PALS2: variants seen among roughly 807,000 people sequenced by gnomAD.
PALS2 encodes protein associated with LIN7 2, MAGUK p55 family member, also known as protein PALS2.
PALS2 carries 27 observed loss-of-function variants against 61.6 expected under a neutral mutation model. That is an observed-to-expected ratio of 0.44 (90% CI 0.32 to 0.60). The LOEUF is 0.60. PALS2 is among the 20% of genes least tolerant of loss of function. The probability of loss-of-function intolerance (pLI) is 0.05; values close to 1 mark genes in which losing one functional copy is unlikely to be tolerated. For missense variants in PALS2, 554 were observed against 639.4 expected, an observed-to-expected ratio of 0.87 and a Z score of 1.44; for synonymous variants, 236 against 218.6, an observed-to-expected ratio of 1.08 and a Z score of -0.70.
intron 1 of PALS2, among the ~76,000 whole-genome samples, chr7:24,581,740 G>C (rs528487778): frequency 6.6e-6 from 1 of 152,172 alleles, no homozygotes; most frequent in Non-Finnish European, 1.5e-5. Context: ...TGATGAAGCC[G>C]AGAAACGTTA....
At chr7:24,653,331 C>A (rs1786254797) in intron 5 of PALS2, among the ~76,000 whole-genome samples, 1 of 149,898 alleles carries the variant, frequency 6.7e-6, no homozygotes, top group Non-Finnish European at 1.5e-5. Context: ...TGATAAAATT[C>A]AATGATTTTT....
chr7:24,651,719 T>G (rs1786161339), intron 5 of PALS2, among the ~76,000 whole-genome samples: 1 of 152,238 alleles, frequency 6.6e-6, no homozygotes, highest in Admixed American at 6.5e-5. Flanking sequence ...TGCTTAGGTT[T>G]ATTCCAGAAA....
rs76102023 is a variant in PALS2, at chr7:24,605,012, A to T, written c.-2-18654A>T. Among the ~76,000 whole-genome samples the T allele has an allele frequency of 2.0e-5, 3 of 152,206 alleles. No homozygotes were observed. The South Asian group carries it at 6.2e-4, about 31-fold the overall frequency. Reference sequence around the variant, plus strand: ...GCCAGAATAAATGTGCCTCATTTTTATAACGGCCTTTGGGCAATTTTCAGC... The same window carrying T: ...GCCAGAATAAATGTGCCTCATTTTTTTAACGGCCTTTGGGCAATTTTCAGC... On this transcript the variant is annotated intron_variant, in intron 1 of 11. Coordinates refer to ENST00000222644, the MANE Select transcript of PALS2 (RefSeq NM_001303037.2).
At position 24,692,008 on chromosome 7, in the gene PALS2, C is replaced by G. The variant is rs1478487265; in HGVS notation, c.*4394C>G. The G allele has an allele frequency of 2.0e-5, 3 of 151,988 alleles. No individual in the cohort carries two copies. The highest frequency in any genetic ancestry group is 4.4e-5 in the Non-Finnish European group (3 of 67,944). The allele number at this position is 151,988 out of a possible 1,614,324, so 9.4% of individuals were successfully genotyped here. On this transcript the variant is annotated 3_prime_UTR_variant, in exon 12 of 12. Transcript: ENST00000222644. The stretch of plus-strand genomic sequence containing the variant: ...TGTATACCTGAGGAAGATGACAGTT[C>G]TATAATTTTTTTAAGGTAAGGTTAT...
At position 24,623,256 on chromosome 7, in the gene PALS2, CTGTT is replaced by C. The variant is rs1428288257; in HGVS notation, c.-2-407_-2-404del. 4.2e-5 allele frequency among the ~76,000 whole-genome samples: 6 copies of C among 141,506 alleles called. No homozygotes were observed. The East Asian group carries it at 1.1e-3, about 26-fold the overall frequency. The allele number at this position is 141,506 out of a possible 152,430, so 92.8% of individuals were successfully genotyped here. A position where few individuals can be genotyped will look rare whatever the true frequency, so the allele number is the denominator to read the frequency against. On this transcript the variant is annotated intron_variant, in intron 1 of 11. Coordinates refer to ENST00000222644, the MANE Select transcript of PALS2 (RefSeq NM_001303037.2). ...AGTATTGGTTTTAATTCTTTTTTAA[CTGTT>C]TGATAGAATTCAGCAGTGAAGGCTG...
intron 1 of PALS2, among the ~76,000 whole-genome samples, chr7:24,599,783 G>A (rs1340236482): frequency 1.3e-5 from 2 of 151,908 alleles, no homozygotes; most frequent in African/African-American, 2.4e-5. Context: ...GGGATTACAG[G>A]TGTGAGCCAC....
chr7:24,581,710 C>G lies in PALS2; in HGVS notation c.-3+8117C>G, dbSNP rs564621573. ...GCAGCCCCCCTCAACAAGGAGTCATCCAGCCCAAAATGTCAGTAGTGATGA... is the reference window on the plus strand; with the variant it reads ...GCAGCCCCCCTCAACAAGGAGTCATGCAGCCCAAAATGTCAGTAGTGATGA... On this transcript the variant is annotated intron_variant, in intron 1 of 11. Coordinates refer to ENST00000222644, the MANE Select transcript of PALS2 (RefSeq NM_001303037.2). Among the ~76,000 whole-genome samples, 46 of 152,286 alleles carry G rather than the reference C, an allele frequency of 3.0e-4. 2 individuals carry two copies. The South Asian group carries it at 8.3e-3, about 27-fold the overall frequency.
chr7:24,657,848 A>G (rs901096098), intron 5 of PALS2, among the ~76,000 whole-genome samples: 2 of 152,180 alleles, frequency 1.3e-5, no homozygotes, highest in African/African-American at 4.8e-5. Context: ...CTCTGAGTCT[A>G]TGATACGTGT....
At position 24,650,613 on chromosome 7, in the gene PALS2, A is replaced by C; in HGVS notation, c.552A>C (p.Gly184=). 2 of 1,612,620 alleles carry C rather than the reference A, an allele frequency of 1.2e-6. No homozygotes were observed. Among genetic ancestry groups the C allele is most frequent in the Non-Finnish European group, 1.7e-6 (2 of 1,178,856 alleles). ...AAGAAGTCAATGGCCATGAGGTTGGAAATAATCCAAAGGAATTACAAGAAT... is the reference window on the plus strand; with the variant it reads ...AAGAAGTCAATGGCCATGAGGTTGGCAATAATCCAAAGGAATTACAAGAAT... ...IIKEVNGHEV[G]NNPKELQELL... The change falls in exon 5 of 12, where the codon GGA becomes GGC. Residue 184 remains glycine, a synonymous_variant. Coordinates refer to ENST00000222644, the MANE Select transcript of PALS2 (RefSeq NM_001303037.2).
At position 24,650,616 on chromosome 7, in the gene PALS2, T is replaced by C; in HGVS notation, c.555T>C (p.Asn185=). Residue 185 remains asparagine (N), a synonymous_variant, in exon 5 of 12, where the codon AAT becomes AAC. Transcript: ENST00000222644. ...AAGTCAATGGCCATGAGGTTGGAAATAATCCAAAGGAATTACAAGAATTAC... is the reference window on the plus strand; with the variant it reads ...AAGTCAATGGCCATGAGGTTGGAAACAATCCAAAGGAATTACAAGAATTAC... ...IKEVNGHEVG[N]NPKELQELLK... 1 of 1,612,492 alleles carries C rather than the reference T, an allele frequency of 6.2e-7. No homozygotes were observed. Among genetic ancestry groups the C allele is most frequent in the Non-Finnish European group, 8.5e-7 (1 of 1,178,794 alleles).
At chr7:24,658,365 G>A (rs2128083462) in intron 5 of PALS2, among the ~76,000 whole-genome samples, 1 of 152,150 alleles carries the variant, frequency 6.6e-6, no homozygotes, top group Middle Eastern at 3.4e-3. Flanking sequence ...AACAATTACT[G>A]TAATGTCCTT....
At chr7:24,629,388 G>A (rs1784890534) in intron 2 of PALS2, among the ~76,000 whole-genome samples, 1 of 152,136 alleles carries the variant, frequency 6.6e-6, no homozygotes, top group Admixed American at 6.5e-5. Context: ...AAAAACCCTA[G>A]AAGAAAACCT....
chr7:24,602,811 G>A lies in PALS2; in HGVS notation c.-2-20855G>A, dbSNP rs767208292. Among the ~76,000 whole-genome samples, 227 of 152,226 alleles carry A rather than the reference G, an allele frequency of 1.5e-3. 2 individuals are homozygous for A. Among genetic ancestry groups the A allele is most frequent in the Non-Finnish European group, 2.7e-3 (185 of 68,016 alleles). The stretch of plus-strand genomic sequence containing the variant: ...ATCCCATAATTCCCACATGTCATGG[G>A]AGGGACCTGGTGGGAGGTAATTGAA... On this transcript the variant is annotated intron_variant, in intron 1 of 11. Transcript: ENST00000222644.
intron 2 of PALS2, among the ~76,000 whole-genome samples, chr7:24,636,131 G>A (rs1041481770): frequency 1.3e-5 from 2 of 150,302 alleles, no homozygotes; most frequent in Non-Finnish European, 2.9e-5. Flanking sequence ...AGAATCGCTT[G>A]AACCCGGGAG....
At chr7:24,680,041 A>C (rs1260046160) in intron 10 of PALS2, among the ~76,000 whole-genome samples, 4 of 152,166 alleles carry the variant, frequency 2.6e-5, no homozygotes, top group African/African-American at 9.7e-5. Flanking sequence ...GTATGAATAT[A>C]TATTCATTTA....
intron 10 of PALS2, among the ~76,000 whole-genome samples, chr7:24,680,175 T>A (rs912835486): frequency 2.0e-5 from 3 of 152,240 alleles, no homozygotes; most frequent in African/African-American, 7.2e-5. Context: ...GTTTTATACT[T>A]TGTTCAAGAG....
intron 9 of PALS2, among the ~76,000 whole-genome samples, chr7:24,671,379 CCTTTT>C (rs1787287748): frequency 1.3e-5 from 2 of 152,230 alleles, no homozygotes; most frequent in South Asian, 2.1e-4. Context: ...GGTTATTTGT[CCTTTT>C]CTTAAGCTGT....
At chr7:24,597,454 C>T (rs1214594842) in intron 1 of PALS2, among the ~76,000 whole-genome samples, 2 of 152,024 alleles carry the variant, frequency 1.3e-5, no homozygotes, top group South Asian at 2.1e-4. Context: ...ACAGACTACT[C>T]TTTGAAAAGT....
At chr7:24,679,828 C>A (rs1288081515) in intron 10 of PALS2, among the ~76,000 whole-genome samples, 4 of 152,128 alleles carry the variant, frequency 2.6e-5, no homozygotes, top group African/African-American at 4.8e-5. Flanking sequence ...TTAATAGTTT[C>A]TTATGTCTCT....
Sources: allele counts gnomAD v4.1 joint callset (sites outside exome capture counted in the v4.1 genomes callset), GRCh38; gene constraint gnomAD v4.1.1; transcripts MANE v1.5; gene names NCBI Gene and HGNC (gene_info 2026-07-23, HGNC 2026-07-21).